The following DZIP3 variants were observed in gnomAD, a reference collection of about 807,000 sequenced individuals.
DZIP3 encodes DAZ interacting zinc finger protein 3.
In DZIP3, 118 loss-of-function variants were observed where a neutral mutation model predicts 162.0. The observed-to-expected ratio is 0.73, with a 90% CI of 0.63 to 0.85. DZIP3 has a LOEUF of 0.85. Ranked by LOEUF, DZIP3 falls within the 40% of genes least tolerant of loss-of-function variation. DZIP3 has a pLI of 0.00. For synonymous variants in DZIP3, 438 were observed against 458.6 expected (o/e 0.96, Z 0.57); for missense variants, 1,331 against 1,407.0 (o/e 0.95, Z 0.86).
Position 108,644,778 on chromosome 3 carries a change from CA to C in DZIP3, c.1758del (p.Gly587GlufsTer7). The C allele has an allele frequency of 6.3e-7, 1 of 1,596,606 alleles. No homozygotes were observed. Among genetic ancestry groups the C allele is most frequent in the South Asian group, 1.1e-5 (1 of 90,934 alleles). On this transcript the variant is annotated frameshift_variant and splice_region_variant, in exon 14 of 33. Coordinates refer to ENST00000361582, the MANE Select transcript of DZIP3 (RefSeq NM_014648.4). LOFTEE classifies it high-confidence loss of function. ...IIQRMLSCYQQGIALQSITGS... is the reference protein window; with the variant it reads ...IIQRMLSCYQXGIALQSITGS... ...ACAGAGGATGTTATCCTGCTATCAACAAGGTACTAAATGATTATTTACTTCA... is the reference window on the plus strand; with the variant it reads ...ACAGAGGATGTTATCCTGCTATCAACAGGTACTAAATGATTATTTACTTCA...
chr3:108,661,924 A>G lies in DZIP3; in HGVS notation c.2247A>G (p.Glu749=). 4 of 1,614,070 alleles carry G rather than the reference A, an allele frequency of 2.5e-6. No homozygotes were observed. Among genetic ancestry groups the G allele is most frequent in the Non-Finnish European group, 3.4e-6 (4 of 1,179,960 alleles). Residue 749 remains glutamate (E), a synonymous_variant, in exon 20 of 33, where the codon GAA becomes GAG. Coordinates refer to ENST00000361582, the MANE Select transcript of DZIP3 (RefSeq NM_014648.4). ...CAGACTATGGAGAAACTGAAAAGGA[A>G]AGGCTTGCTCGTCAAAGGCAGCTTT... ...VTTDYGETEK[E]RLARQRQLYK...
At chr3:108,646,905 G>A (rs915997859) in intron 15 of DZIP3, among the ~76,000 whole-genome samples, 1 of 152,138 alleles carries the variant, frequency 6.6e-6, no homozygotes, top group Non-Finnish European at 1.5e-5. Flanking sequence ...GCCAGGTGTG[G>A]TGGCGGGTGC....
intron 7 of DZIP3, among the ~76,000 whole-genome samples, chr3:108,628,548 C>G (rs1218956522): frequency 3.3e-5 from 5 of 152,076 alleles, no homozygotes; most frequent in African/African-American, 7.2e-5. Context: ...GCCATAGAAG[C>G]CTTCTAGTTT....
At chr3:108,683,687 T>A (rs193243642) in intron 26 of DZIP3, among the ~76,000 whole-genome samples, 8 of 152,290 alleles carry the variant, frequency 5.3e-5, no homozygotes. Flanking sequence ...CCCATCCCAC[T>A]TCCTCCTCCA....
chr3:108,624,847 T>A (rs13070896), intron 6 of DZIP3, among the ~76,000 whole-genome samples: 16,994 of 152,172 alleles, frequency 0.11, 1,313 homozygotes, highest in Non-Finnish European at 0.17. Flanking sequence ...AATCTGGGAA[T>A]TAACTAGATA....
chr3:108,604,123 T>G (rs1388299334), intron 1 of DZIP3, among the ~76,000 whole-genome samples: 2 of 152,230 alleles, frequency 1.3e-5, no homozygotes, highest in Non-Finnish European at 1.5e-5. Context: ...TGAATTACCT[T>G]TTAGTAATGG....
At chr3:108,603,280 A>G (rs142531234) in intron 1 of DZIP3, 34 of 152,156 alleles carry the variant, frequency 2.2e-4, no homozygotes, top group Non-Finnish European at 3.8e-4. Flanking sequence ...TTAAAATAAC[A>G]CAGAGAATTA....
At chr3:108,668,101 T>G (rs188850816) in intron 21 of DZIP3, among the ~76,000 whole-genome samples, 10 of 152,126 alleles carry the variant, frequency 6.6e-5, no homozygotes, top group African/African-American at 2.2e-4. Context: ...TGGTGTGGTT[T>G]TTTGGCCTAA....
At chr3:108,632,045 G>T (rs1338748489) in intron 8 of DZIP3, among the ~76,000 whole-genome samples, 2 of 151,868 alleles carry the variant, frequency 1.3e-5, no homozygotes, top group Non-Finnish European at 2.9e-5. Context: ...GCCGATATTT[G>T]TGAAATAATT....
chr3:108,636,246 A>G (rs551671792), intron 10 of DZIP3, among the ~76,000 whole-genome samples: 156 of 152,104 alleles, frequency 1.0e-3, no homozygotes, highest in Non-Finnish European at 1.7e-3. Context: ...AACTAGAGAA[A>G]GGATGTAACA....
rs138979879 is a variant in DZIP3, at chr3:108,630,060, G to T, written c.696+884G>T. ...CAAGTGTTCACACAATTATAAAGTTGTTATATGTCTCTGTATTTTCTCTCA... is the reference window on the plus strand; with the variant it reads ...CAAGTGTTCACACAATTATAAAGTTTTTATATGTCTCTGTATTTTCTCTCA... On this transcript the variant is annotated intron_variant, in intron 8 of 32. Transcript: ENST00000361582. Among the ~76,000 whole-genome samples the T allele has an allele frequency of 5.1e-3, 777 of 152,050 alleles. 4 individuals are homozygous for T. Among genetic ancestry groups the T allele is most frequent in the African/African-American group, 0.015 (605 of 41,514 alleles).
chr3:108,627,573 G>A (rs1460997693), intron 7 of DZIP3, among the ~76,000 whole-genome samples: 1 of 152,116 alleles, frequency 6.6e-6, no homozygotes, highest in Admixed American at 6.5e-5. Flanking sequence ...CCATTATTGT[G>A]TCCAAGTTTC....
chr3:108,620,128 T>C (rs1424862616), intron 5 of DZIP3, among the ~76,000 whole-genome samples: 1 of 152,146 alleles, frequency 6.6e-6, no homozygotes, highest in Admixed American at 6.5e-5. Context: ...CCTCCATATT[T>C]TCTCCCTTCC....
intron 1 of DZIP3, among the ~76,000 whole-genome samples, chr3:108,604,800 A>G (rs899739642): frequency 1.3e-5 from 2 of 152,234 alleles, no homozygotes; most frequent in Middle Eastern, 3.2e-3. Flanking sequence ...ATAAATTAGT[A>G]TAAACCTTTT....
intron 8 of DZIP3, among the ~76,000 whole-genome samples, chr3:108,632,657 A>AT (rs1378544586): frequency 6.6e-6 from 1 of 152,174 alleles, no homozygotes; most frequent in Non-Finnish European, 1.5e-5. Context: ...GCCAGGTGTT[A>AT]TGCTATGAGT....
intron 29 of DZIP3, among the ~76,000 whole-genome samples, 163 bp from the exon 30 acceptor site, chr3:108,688,430 C>T (rs1185587606): frequency 6.6e-6 from 1 of 152,088 alleles, no homozygotes; most frequent in Non-Finnish European, 1.5e-5. Context: ...TTTTACCTAG[C>T]TCTGAGTATA....
At chr3:108,612,155 A>G (rs1424587110) in intron 4 of DZIP3, among the ~76,000 whole-genome samples, 3 of 152,144 alleles carry the variant, frequency 2.0e-5, no homozygotes, top group African/African-American at 7.2e-5. Context: ...AGTTTTCTGA[A>G]GTTAAAGAAA....
chr3:108,631,055 A>ACACACACACACTCTCTCTCT, intron 8 of DZIP3, among the ~76,000 whole-genome samples: 22 of 18,012 alleles, frequency 1.2e-3, no homozygotes, highest in South Asian at 2.3e-3. Flanking sequence ...ACACACACAC[A>ACACACACACACTCTCTCTCT]CTCTCTCTCT....
In DZIP3 at chr3:108,654,150, A is replaced by G; in HGVS notation, c.2039A>G (p.Tyr680Cys). The change falls in exon 19 of 33, where the codon TAT becomes TGT. Residue 680 changes from tyrosine (Y) to cysteine (C), a missense_variant. Physicochemically the swap from Tyr to Cys is radical, Grantham distance 194. This residue lies in a region of DZIP3 where 1,278 missense variants were observed against 1,317.1 expected (regional missense o/e 0.97). Coordinates refer to ENST00000361582, the MANE Select transcript of DZIP3 (RefSeq NM_014648.4). ...NKDSKEDQVP[Y>C]VVEKEEQLRK... ...TGATTATGTCACGACTACAGCCCAT[A>G]TGTGGTAGAAAAGGAAGAGCAGTTG... The G allele has an allele frequency of 6.2e-7, 1 of 1,613,082 alleles. No individual in the cohort carries two copies. Among genetic ancestry groups the G allele is most frequent in the Non-Finnish European group, 8.5e-7 (1 of 1,179,446 alleles).
Sources: allele counts gnomAD v4.1 joint callset (sites outside exome capture counted in the v4.1 genomes callset), GRCh38; gene constraint gnomAD v4.1.1; regional missense constraint gnomAD v4.1.1; transcripts MANE v1.5; gene names NCBI Gene and HGNC (gene_info 2026-07-23, HGNC 2026-07-21).